GPC5: variants seen among roughly 807,000 people sequenced by gnomAD.
The protein encoded by GPC5 is glypican-5.
In GPC5, 47 loss-of-function variants were observed where a neutral mutation model predicts 53.9. The ratio of observed to expected loss-of-function variants is 0.87; its 90% CI spans 0.69 to 1.11. The LOEUF is 1.11. Ranked by LOEUF, GPC5 falls within the 50% of genes most tolerant of loss-of-function variation. The pLI is 0.00. For synonymous variants in GPC5, 286 were observed against 263.3 expected (o/e 1.09, Z -0.84); for missense variants, 748 against 713.1 (o/e 1.05, Z -0.56).
chr13:91,656,608 T>C (rs1273529390), intron 2 of GPC5, among the ~76,000 whole-genome samples: 1 of 152,194 alleles, frequency 6.6e-6, no homozygotes, highest in African/African-American at 2.4e-5. Flanking sequence ...GAAACTCCAC[T>C]TCATGAAATC....
intron 7 of GPC5, among the ~76,000 whole-genome samples, chr13:92,229,218 T>C (rs1282929529): frequency 1.3e-5 from 2 of 152,224 alleles, no homozygotes; most frequent in African/African-American, 4.8e-5. Flanking sequence ...GGAATTTCTT[T>C]TTTAAAAATC....
Position 92,814,332 on chromosome 13 carries a change from A to G in GPC5, c.1562-51950A>G, listed in dbSNP as rs184356846. Among the ~76,000 whole-genome samples, 85 of 152,028 alleles carry G rather than the reference A, an allele frequency of 5.6e-4. 1 individual carries two copies. The highest frequency in any genetic ancestry group is 1.2e-3 in the South Asian group (6 of 4,828). On this transcript the variant is annotated intron_variant, in intron 7 of 7. Coordinates refer to ENST00000377067, the MANE Select transcript of GPC5 (RefSeq NM_004466.6). ...AAAGACTTCTTAGATATGGAAAACA[A>G]TAAACAAACACCAAAACAGACAAAA...
chr13:92,166,229 A>G (rs1478041073), intron 7 of GPC5, among the ~76,000 whole-genome samples: 1 of 152,190 alleles, frequency 6.6e-6, no homozygotes, highest in African/African-American at 2.4e-5. Flanking sequence ...AGGACCATCT[A>G]TGGAACTTTA....
intron 6 of GPC5, among the ~76,000 whole-genome samples, chr13:91,975,648 T>C (rs1031791867): frequency 6.6e-6 from 1 of 152,092 alleles, no homozygotes; most frequent in Non-Finnish European, 1.5e-5. Context: ...TGTGGAGAAA[T>C]AGGAACACTT....
At chr13:91,765,838 A>G (rs1238845818) in intron 5 of GPC5, among the ~76,000 whole-genome samples, 2 of 152,202 alleles carry the variant, frequency 1.3e-5, no homozygotes, top group African/African-American at 2.4e-5. Flanking sequence ...AATGACTGAG[A>G]ATGCTTTAAA....
chr13:91,828,352 T>A (rs2038606473), intron 5 of GPC5, among the ~76,000 whole-genome samples: 1 of 45,252 alleles, frequency 2.2e-5, no homozygotes. Flanking sequence ...GGTAGATAGG[T>A]AGGTAGGTAG....
chr13:92,358,861 G>A (rs537959055), intron 7 of GPC5, among the ~76,000 whole-genome samples: 1 of 151,880 alleles, frequency 6.6e-6, no homozygotes, highest in East Asian at 1.9e-4. Context: ...CTGGGCCTGT[G>A]ATGGGAGTAG....
chr13:92,399,972 T>A (rs902663106), intron 7 of GPC5, among the ~76,000 whole-genome samples: 30 of 152,126 alleles, frequency 2.0e-4, no homozygotes, highest in African/African-American at 7.0e-4. Flanking sequence ...CTTTCATCAC[T>A]CAGTTTGTGG....
intron 7 of GPC5, among the ~76,000 whole-genome samples, chr13:92,813,448 C>G (rs1459912483): frequency 6.6e-6 from 1 of 151,954 alleles, no homozygotes; most frequent in African/African-American, 2.4e-5. Flanking sequence ...GTGATCATCT[C>G]TTATTCAGCA....
chr13:91,540,200 C>G (rs985136232), intron 2 of GPC5, among the ~76,000 whole-genome samples: 3 of 152,162 alleles, frequency 2.0e-5, no homozygotes, highest in African/African-American at 4.8e-5. Flanking sequence ...GTTTACTTAT[C>G]AAAACTAACA....
At chr13:91,496,724 A>G (rs538807108) in intron 2 of GPC5, among the ~76,000 whole-genome samples, 1 of 152,336 alleles carries the variant, frequency 6.6e-6, no homozygotes, top group Non-Finnish European at 1.5e-5. Flanking sequence ...GTTTGACAGC[A>G]TAACAGGGTG....
At chr13:91,582,361 C>T (rs1339199203) in intron 2 of GPC5, among the ~76,000 whole-genome samples, 1 of 152,088 alleles carries the variant, frequency 6.6e-6, no homozygotes, top group Admixed American at 6.6e-5. Flanking sequence ...TCATCACAGG[C>T]TTCAAGTTAT....
At position 92,139,680 on chromosome 13, in the gene GPC5, A is replaced by AAAAAAAAGGG. The variant is rs532196727; in HGVS notation, c.1402-5145_1402-5144insAAGGGAAAAA. ...AGATTCCGTCTCAAAAAAAAAAAAAAAAAAAGTGTTATATTTAGAATATAC... is the reference window on the plus strand; with the variant it reads ...AGATTCCGTCTCAAAAAAAAAAAAAAAAAAAAAGGGAAAAAGTGTTATATTTAGAATATAC... On this transcript the variant is annotated intron_variant, in intron 6 of 7. Coordinates refer to ENST00000377067, the MANE Select transcript of GPC5 (RefSeq NM_004466.6). Among the ~76,000 whole-genome samples the AAAAAAAAGGG allele has an allele frequency of 1.1e-4, 15 of 140,806 alleles. 1 individual carries two copies. The highest frequency in any genetic ancestry group is 1.5e-4 in the Non-Finnish European group (10 of 64,996). The allele number at this position is 140,806 out of a possible 152,430, so 92.4% of individuals were successfully genotyped here.
chr13:92,025,346 A>C (rs1429012411), intron 6 of GPC5, among the ~76,000 whole-genome samples: 1 of 152,130 alleles, frequency 6.6e-6, no homozygotes, highest in Non-Finnish European at 1.5e-5. Flanking sequence ...TCTCTCCCCC[A>C]AAACACTTCT....
intron 7 of GPC5, among the ~76,000 whole-genome samples, chr13:92,212,767 T>C (rs2042384493): frequency 6.6e-6 from 1 of 152,220 alleles, no homozygotes; most frequent in African/African-American, 2.4e-5. Context: ...AGTTCTTCCA[T>C]TAGGACCTTG....
chr13:91,691,097 C>A (rs975531552), intron 2 of GPC5, among the ~76,000 whole-genome samples: 3 of 152,170 alleles, frequency 2.0e-5, no homozygotes, highest in African/African-American at 7.2e-5. Flanking sequence ...GATTCAATTC[C>A]GTTTTCACAC....
Position 92,309,975 on chromosome 13 carries a change from AT to A in GPC5, c.1561+164987del, listed in dbSNP as rs577340861. On this transcript the variant is annotated intron_variant, in intron 7 of 7. Transcript: ENST00000377067. ...TTTCATGAGTCTGACTTTTTTTAGA[AT>A]CCACAGGTAAGAAAGATCATGCATT... Among the ~76,000 whole-genome samples, 21 of 152,088 alleles carry A rather than the reference AT, an allele frequency of 1.4e-4. No individual in the cohort carries two copies. The South Asian group carries it at 4.1e-3, about 30-fold the overall frequency.
chr13:91,693,833 T>C lies in GPC5; in HGVS notation c.972T>C (p.Asn324=), dbSNP rs374424211. The change falls in exon 3 of 8, where the codon AAT becomes AAC. Residue 324 remains asparagine (N), a synonymous_variant. Coordinates refer to ENST00000377067, the MANE Select transcript of GPC5 (RefSeq NM_004466.6). ...TGCTGAACTTTCACTTGCTTGTTAA[T>C]GATGCTGTGTTACAGGCTCACCTCA... is the stretch of plus-strand genomic sequence containing the variant. ...HVLLNFHLLV[N]DAVLQAHLNG... is the part of the protein sequence containing the mutation. 8 of 1,611,562 alleles carry C rather than the reference T, an allele frequency of 5.0e-6. No individual in the cohort carries two copies. The highest frequency in any genetic ancestry group is 5.9e-6 in the Non-Finnish European group (7 of 1,179,714).
chr13:92,131,384 A>G (rs1274545102), intron 6 of GPC5, among the ~76,000 whole-genome samples: 3 of 152,070 alleles, frequency 2.0e-5, no homozygotes. Flanking sequence ...CTATCAAAAG[A>G]TATGTATAAG....
Sources: gnomAD v4.1 joint callset for allele counts (sites outside exome capture counted in the v4.1 genomes callset) on GRCh38, gnomAD v4.1.1 for gene constraint, MANE v1.5 for transcripts, NCBI Gene and HGNC (gene_info 2026-07-23, HGNC 2026-07-21) for gene names.